BOC: variants seen among roughly 807,000 people sequenced by gnomAD.
BOC encodes brother of CDO.
In BOC, 76 loss-of-function variants were observed where a neutral mutation model predicts 112.0. That is an observed-to-expected ratio of 0.68 (90% confidence interval 0.56 to 0.82). The LOEUF is 0.82. Ranked by LOEUF, BOC falls within the 40% of genes least tolerant of loss-of-function variation. The pLI, the probability that BOC is intolerant of heterozygous loss-of-function variation, is 0.00. For synonymous variants in BOC, 580 were observed against 599.8 expected, an observed-to-expected ratio of 0.97 and a Z score of 0.48; for missense variants, 1,309 against 1,511.7, an observed-to-expected ratio of 0.87 and a Z score of 2.22.
chr3:113,249,811 T>G lies in BOC; in HGVS notation c.9T>G (p.Arg3=). Residue 3 remains arginine, a synonymous_variant, in exon 3 of 20, where the codon CGT becomes CGG. Transcript: ENST00000682979. The part of the protein sequence containing the change: ML[R]GTMTAWRGMR... ...GACCTTTGTGATACACCATGCTGCG[T>G]GGGACGATGACGGCGTGGAGAGGAA... 6.2e-7 allele frequency: 1 copy of G among 1,612,716 alleles called. No homozygotes were observed. Among genetic ancestry groups the G allele is most frequent in the Non-Finnish European group, 8.5e-7 (1 of 1,179,634 alleles).
chr3:113,274,586 C>T lies in BOC; in HGVS notation c.1446C>T (p.Arg482=), dbSNP rs779833279. 4 of 1,613,588 alleles carry T rather than the reference C, an allele frequency of 2.5e-6. No homozygotes were observed. The highest frequency in any genetic ancestry group is 1.7e-6 in the Non-Finnish European group (2 of 1,180,028). ...AEAPIILSSP[R]TSKTDSYELV... ...CTCCCATCATCCTCAGCTCGCCCCG[C>T]ACCTCCAAGACAGACTCATATGAAC... The change falls in exon 9 of 20, where the codon CGC becomes CGT. Residue 482 remains arginine (R), a synonymous_variant. Coordinates refer to ENST00000682979, the MANE Select transcript of BOC (RefSeq NM_001378074.1). The surrounding 1 kb of genome is among the most constrained non-coding windows in gnomAD (Gnocchi z 4.8).
intron 4 of BOC, among the ~76,000 whole-genome samples, chr3:113,256,255 T>C (rs1946210981): frequency 6.6e-6 from 1 of 152,164 alleles, no homozygotes; most frequent in Non-Finnish European, 1.5e-5. Flanking sequence ...TGGCAGAGCT[T>C]CCAGTCATAA....
rs1466482003 is a variant in BOC, at chr3:113,274,484, C to T, written c.1344C>T (p.Leu448=). ...PEQMLRGQPA[L]PRPPTSVGPA... The stretch of plus-strand genomic sequence containing the variant: ...AGATGCTGAGGGGGCAACCGGCGCT[C>T]CCCAGACCCCCAACGTCAGTGGGGC... Residue 448 remains leucine, a synonymous_variant, in exon 9 of 20, where the codon CTC becomes CTT. Coordinates refer to ENST00000682979, the MANE Select transcript of BOC (RefSeq NM_001378074.1). The surrounding 1 kb of genome is among the most constrained non-coding windows in gnomAD (Gnocchi z 4.8). 1 of 1,612,162 alleles carries T rather than the reference C, an allele frequency of 6.2e-7. No individual in the cohort carries two copies. The highest frequency in any genetic ancestry group is 8.5e-7 in the Non-Finnish European group (1 of 1,178,888).
chr3:113,234,431 C>A (rs191826923), intron 2 of BOC, among the ~76,000 whole-genome samples: 25 of 152,290 alleles, frequency 1.6e-4, no homozygotes, highest in Admixed American at 1.4e-3. Context: ...TCTCCTGATG[C>A]CTTTGTTAGT....
chr3:113,250,398 G>A (rs1431372938), intron 3 of BOC, among the ~76,000 whole-genome samples, 157 bp from the exon 4 acceptor site: 2 of 152,216 alleles, frequency 1.3e-5, no homozygotes, highest in Non-Finnish European at 2.9e-5. Context: ...TGGGAACAAA[G>A]GCAGGTTGGG....
chr3:113,248,041 G>A (rs551318025), intron 2 of BOC, among the ~76,000 whole-genome samples: 3 of 152,196 alleles, frequency 2.0e-5, no homozygotes, highest in Admixed American at 2.0e-4. Context: ...GGCAAAGGGA[G>A]AAAATACAAA....
At position 113,278,339 on chromosome 3, in the gene BOC, A is replaced by G. The variant is rs1011487528; in HGVS notation, c.1705+82A>G. 2.1e-6 allele frequency: 3 copies of G among 1,448,908 alleles called. No individual in the cohort carries two copies. The highest frequency in any genetic ancestry group is 2.9e-6 in the Non-Finnish European group (3 of 1,050,578). The allele number at this position is 1,448,908 out of a possible 1,614,324, so 89.8% of individuals were successfully genotyped here. On this transcript the variant is annotated intron_variant, in intron 10 of 19. Coordinates refer to ENST00000682979, the MANE Select transcript of BOC (RefSeq NM_001378074.1). This position sits in a 1 kb window ranked among gnomAD's most constrained non-coding sequence, Gnocchi z 4.2. ...CTGGCCCAGGTGAGAATTCCTGCTC[A>G]CCTTGCCCCAGCTGTTCACCTTGAA...
chr3:113,221,027 C>T (rs1171381030), intron 2 of BOC, among the ~76,000 whole-genome samples: 2 of 152,160 alleles, frequency 1.3e-5, no homozygotes, highest in African/African-American at 4.8e-5. Flanking sequence ...GATTGTGCAG[C>T]ATCCTGGTTG....
intron 4 of BOC, among the ~76,000 whole-genome samples, chr3:113,265,131 C>T (rs1282822997): frequency 6.6e-6 from 1 of 152,190 alleles, no homozygotes; most frequent in African/African-American, 2.4e-5. Context: ...TGTTTTCTAC[C>T]ACTGGGTTGC....
At chr3:113,281,985 G>A (rs1436406563) in intron 15 of BOC, among the ~76,000 whole-genome samples, 2 of 152,174 alleles carry the variant, frequency 1.3e-5, no homozygotes, top group African/African-American at 4.8e-5. Context: ...CCAGAGGGAG[G>A]AAGAGACTTC....
At chr3:113,280,786 A>AG (rs1949119456) in intron 14 of BOC, 123 bp downstream of exon 14, 12 of 900,806 alleles carry the variant, frequency 1.3e-5, no homozygotes, top group Middle Eastern at 2.2e-4. Context: ...ACGAAGCTCT[A>AG]AGCTCCGTGT....
chr3:113,285,768 A>G (rs529010861), intron 19 of BOC, among the ~76,000 whole-genome samples: 5 of 152,318 alleles, frequency 3.3e-5, no homozygotes, highest in East Asian at 1.9e-4. Context: ...GGGATGTCCA[A>G]GTGGGTTCTA....
At position 113,250,641 on chromosome 3, in the gene BOC, C is replaced by T. The variant is rs149108723; in HGVS notation, c.184C>T (p.Pro62Ser). The T allele has an allele frequency of 8.7e-6, 14 of 1,614,082 alleles. No individual in the cohort carries two copies. In the African/African-American group the frequency reaches 1.7e-4, roughly 20 times the overall value. ...TVILGCVVEP[P>S]RMNVTWRLNG... is the part of the protein sequence containing the mutation. ...GATCTTGGGCTGCGTGGTGGAACCT[C>T]CAAGGATGAATGTAACCTGGCGCCT... The change falls in exon 4 of 20, where the codon CCA becomes TCA. Residue 62 changes from proline to serine, a missense_variant. Transcript: ENST00000682979.
At chr3:113,265,466 A>G (rs1947370821) in intron 4 of BOC, among the ~76,000 whole-genome samples, 1 of 152,160 alleles carries the variant, frequency 6.6e-6, no homozygotes, top group Admixed American at 6.5e-5. Context: ...TGAGCTCACA[A>G]TCACTCACAG....
chr3:113,239,565 T>G (rs79608790), intron 2 of BOC, among the ~76,000 whole-genome samples: 2,124 of 152,348 alleles, frequency 0.014, 32 homozygotes, highest in Non-Finnish European at 0.024. Context: ...TGTCACATAC[T>G]GTACATGCTT....
intron 2 of BOC, among the ~76,000 whole-genome samples, chr3:113,236,743 G>T (rs1407192476): frequency 6.6e-6 from 1 of 152,060 alleles, no homozygotes; most frequent in Non-Finnish European, 1.5e-5. Flanking sequence ...ATGTCTTTAG[G>T]TCTTAAAGGA....
chr3:113,238,784 C>G (rs1406911524), intron 2 of BOC, among the ~76,000 whole-genome samples: 2 of 152,208 alleles, frequency 1.3e-5, no homozygotes, highest in African/African-American at 2.4e-5. Flanking sequence ...ATACACACAC[C>G]TTACAGGGCT....
chr3:113,237,543 T>G (rs1235477741), intron 2 of BOC, among the ~76,000 whole-genome samples: 1 of 152,066 alleles, frequency 6.6e-6, no homozygotes, highest in Non-Finnish European at 1.5e-5. Context: ...TGGGTGTTCA[T>G]TTTGGAAGAT....
chr3:113,261,818 T>C (rs935261020), intron 4 of BOC: 2 of 152,174 alleles, frequency 1.3e-5, no homozygotes, highest in South Asian at 4.2e-4. Context: ...GTCTTGACTT[T>C]GATTTTCAGC....
Sources: gnomAD v4.1 joint callset for allele counts (sites outside exome capture counted in the v4.1 genomes callset) on GRCh38, gnomAD v4.1.1 for gene constraint, Gnocchi (gnomAD v3.1) non-coding constraint, MANE v1.5 for transcripts, NCBI Gene and HGNC (gene_info 2026-07-23, HGNC 2026-07-21) for gene names.